WWOX: variants seen among roughly 807,000 people sequenced by gnomAD.
The protein encoded by WWOX is WW domain containing oxidoreductase, also known as WW domain-containing oxidoreductase.
Under a neutral mutation model 46.2 loss-of-function variants are expected in WWOX, and 69 were observed. The ratio of observed to expected loss-of-function variants is 1.49; its 90% CI spans 1.23 to 1.82. The LOEUF is 1.82. Among genes scored for constraint, WWOX ranks in the 40% most tolerant of loss-of-function variants. WWOX has a pLI of 0.00. For synonymous variants in WWOX, 359 were observed against 202.6 expected (o/e 1.77, Z -6.56); for missense variants, 919 against 542.6 (o/e 1.69, Z -6.89).
chr16:78,985,844 G>C (rs754851931), intron 8 of WWOX, among the ~76,000 whole-genome samples: 2 of 152,254 alleles, frequency 1.3e-5, no homozygotes, highest in Non-Finnish European at 2.9e-5. Flanking sequence ...CGGAAGGAGT[G>C]TAGAAGTTGC....
chr16:78,487,999 C>G (rs1261274651), intron 8 of WWOX, among the ~76,000 whole-genome samples: 1 of 152,176 alleles, frequency 6.6e-6, no homozygotes, highest in Admixed American at 6.5e-5. Context: ...CAGGAGTCCT[C>G]AGAAATGGGG....
At chr16:79,042,728 G>GTTTTTTTTTTTTTTTTTTTTTTTTTTT (rs11379084) in intron 8 of WWOX, among the ~76,000 whole-genome samples, 1 of 143,126 alleles carries the variant, frequency 7.0e-6, no homozygotes. Context: ...AATACTCAGG[G>GTTTTTTTTTTTTTTTTTTTTTTTTTTT]TTTTTTTTTT....
At chr16:78,837,248 T>C (rs1423230189) in intron 8 of WWOX, among the ~76,000 whole-genome samples, 1 of 152,230 alleles carries the variant, frequency 6.6e-6, no homozygotes, top group African/African-American at 2.4e-5. Context: ...CTTGCTCTTA[T>C]CACGGTTCAT....
chr16:79,196,786 C>G (rs906750839), intron 8 of WWOX, among the ~76,000 whole-genome samples: 3 of 151,950 alleles, frequency 2.0e-5, no homozygotes, highest in Non-Finnish European at 4.4e-5. Flanking sequence ...TAGAGATGTT[C>G]TATTTTCAAG....
chr16:78,870,888 C>T (rs930898961), intron 8 of WWOX, among the ~76,000 whole-genome samples: 1 of 152,164 alleles, frequency 6.6e-6, no homozygotes. Context: ...AGGCATGAGC[C>T]ACCATGCCCG....
At chr16:78,468,338 G>T (rs1332897586) in intron 8 of WWOX, among the ~76,000 whole-genome samples, 1 of 150,650 alleles carries the variant, frequency 6.6e-6, no homozygotes, top group Non-Finnish European at 1.5e-5. Context: ...CACCTGTGCA[G>T]CCTGCTGGCT....
chr16:78,100,319 C>T, intron 1 of WWOX: 1 of 909,726 alleles, frequency 1.1e-6, no homozygotes, highest in Non-Finnish European at 1.4e-6. Context: ...GGGGTGCCAT[C>T]ATAGCCCACT....
At chr16:78,811,183 G>C (rs551303001) in intron 8 of WWOX, among the ~76,000 whole-genome samples, 5 of 152,288 alleles carry the variant, frequency 3.3e-5, no homozygotes, top group South Asian at 2.1e-4. Context: ...TCAGTGTTTT[G>C]TGACATTCTT....
At chr16:78,667,315 T>A (rs2047354114) in intron 8 of WWOX, among the ~76,000 whole-genome samples, 1 of 152,208 alleles carries the variant, frequency 6.6e-6, no homozygotes, top group Non-Finnish European at 1.5e-5. Context: ...AGGCTGACAT[T>A]TTTATTGAAT....
intron 8 of WWOX, among the ~76,000 whole-genome samples, chr16:78,627,797 G>T (rs570038930): frequency 6.6e-6 from 1 of 152,332 alleles, no homozygotes; most frequent in African/African-American, 2.4e-5. Flanking sequence ...AGAGTATGCA[G>T]TGATTTCAGG....
intron 8 of WWOX, among the ~76,000 whole-genome samples, chr16:78,445,459 G>A (rs1239752144): frequency 6.6e-6 from 1 of 152,152 alleles, no homozygotes; most frequent in Non-Finnish European, 1.5e-5. Flanking sequence ...TGTCCTCATG[G>A]GGACCGTATG....
intron 8 of WWOX, among the ~76,000 whole-genome samples, chr16:78,639,874 C>G (rs899682482): frequency 1.3e-5 from 2 of 152,124 alleles, no homozygotes; most frequent in Non-Finnish European, 2.9e-5. Flanking sequence ...CCCAGATTGG[C>G]TTCTGTGTGA....
intron 8 of WWOX, among the ~76,000 whole-genome samples, chr16:79,167,188 C>T (rs989401292): frequency 3.9e-5 from 6 of 152,142 alleles, no homozygotes; most frequent in African/African-American, 1.4e-4. Flanking sequence ...GCAATCCACC[C>T]ACCTCGGCCT....
chr16:79,022,739 C>A (rs1297256566), intron 8 of WWOX, among the ~76,000 whole-genome samples: 1 of 152,150 alleles, frequency 6.6e-6, no homozygotes, highest in East Asian at 1.9e-4. Flanking sequence ...GAGGCAGTGG[C>A]CCCCCACCAA....
intron 5 of WWOX, among the ~76,000 whole-genome samples, chr16:78,372,406 A>G (rs1256460089): frequency 1.3e-5 from 2 of 152,332 alleles, no homozygotes; most frequent in South Asian, 2.1e-4. Flanking sequence ...TAGAGACAGA[A>G]TATCAGTAGC....
chr16:79,043,914 G>A lies in WWOX; in HGVS notation c.1057-167694G>A, dbSNP rs888772010. 3.1e-4 allele frequency among the ~76,000 whole-genome samples: 47 copies of A among 152,182 alleles called. 1 individual carries two copies. The highest frequency in any genetic ancestry group is 2.4e-3 in the Admixed American group (36 of 15,278). ...GTTGTAGCAAAAGTCCAGGGCTGCC[G>A]CTCATTCACTCTGCTCGGACCTTTC... On this transcript the variant is annotated intron_variant, in intron 8 of 8. Coordinates refer to ENST00000566780, the MANE Select transcript of WWOX (RefSeq NM_016373.4).
In WWOX at chr16:78,688,953, G is replaced by A. The variant is rs142144137; in HGVS notation, c.1056+256201G>A. The stretch of plus-strand genomic sequence containing the variant: ...CTTGGCACCTCTCCTTCCTGCTGCC[G>A]TTTGAAGAAAGACATGTTTGCTTTC... On this transcript the variant is annotated intron_variant, in intron 8 of 8. Coordinates refer to ENST00000566780, the MANE Select transcript of WWOX (RefSeq NM_016373.4). Among the ~76,000 whole-genome samples, 20 of 152,186 alleles carry A rather than the reference G, an allele frequency of 1.3e-4. No homozygotes were observed. In the East Asian group the frequency reaches 1.9e-3, roughly 15 times the overall value.
At chr16:79,147,294 T>C (rs1353771751) in intron 8 of WWOX, among the ~76,000 whole-genome samples, 1 of 152,138 alleles carries the variant, frequency 6.6e-6, no homozygotes, top group Non-Finnish European at 1.5e-5. Context: ...ACTAAACTGT[T>C]CTCCACTTTT....
intron 8 of WWOX, among the ~76,000 whole-genome samples, chr16:78,769,530 ATTATTTATTTAT>A (rs141334504): frequency 0.67 from 69,385 of 103,602 alleles, 23,495 homozygotes; most frequent in African/African-American, 0.71. Flanking sequence ...CACCCCCCAC[ATTATTTATTTAT>A]TTATTTATTT....
Sources: gnomAD v4.1 joint callset for allele counts (sites outside exome capture counted in the v4.1 genomes callset) on GRCh38, gnomAD v4.1.1 for gene constraint, MANE v1.5 for transcripts, NCBI Gene and HGNC (gene_info 2026-07-23, HGNC 2026-07-21) for gene names.